Variants in WDR82 observed in about 807,000 individuals in gnomAD.
The protein encoded by WDR82 is WD repeat-containing protein 82.
Under a neutral mutation model 36.1 loss-of-function variants are expected in WDR82, and 8 were observed. That is an observed-to-expected ratio of 0.22 (90% CI 0.13 to 0.40). The LOEUF (loss-of-function observed/expected upper bound fraction) is 0.40, where lower values mean the gene tolerates loss of function less well. Among genes scored for constraint, WDR82 ranks in the 10% least tolerant of loss-of-function variants. WDR82 has a pLI of 1.00. For missense variants in WDR82, 185 were observed against 400.5 expected (o/e 0.46, Z 4.59); for synonymous variants, 129 against 137.8 (o/e 0.94, Z 0.45).
intron 1 of WDR82, among the ~76,000 whole-genome samples, chr3:52,271,754 G>A (rs1700156441): frequency 6.6e-6 from 1 of 152,136 alleles, no homozygotes; most frequent in South Asian, 2.1e-4. Flanking sequence ...ACTTTCTCTA[G>A]CAAAACCAGT....
At chr3:52,266,147 A>T (rs1228792817) in intron 3 of WDR82, among the ~76,000 whole-genome samples, 1 of 152,164 alleles carries the variant, frequency 6.6e-6, no homozygotes, top group East Asian at 1.9e-4. Flanking sequence ...TCTTGATTTT[A>T]AAAAAAGGAC....
intron 2 of WDR82, chr3:52,267,605 G>C (rs1700117254): frequency 6.6e-6 from 1 of 152,486 alleles, no homozygotes; most frequent in South Asian, 2.1e-4. Context: ...GTGATGTCAA[G>C]ATCTGGGTTA....
Position 52,259,233 on chromosome 3 carries a change from C to G in WDR82, c.733G>C (p.Ala245Pro). 1 of 1,614,172 alleles carries G rather than the reference C, an allele frequency of 6.2e-7. No individual in the cohort carries two copies. The highest frequency in any genetic ancestry group is 8.5e-7 in the Non-Finnish European group (1 of 1,180,024). ...YANSKAVTLE[A>P]SFTPDSQFIM... ...AACTGAGAGTCTGGAGTAAATGAAG[C>G]CTCCAGTGTGACAGCTTTGCTGTTG... Residue 245 changes from alanine (A) to proline (P), a missense_variant, in exon 7 of 9, where the codon GCT (alanine) becomes CCT (proline). This residue lies in a region of WDR82 where 110 missense variants were observed against 212.6 expected (regional missense o/e 0.52). Coordinates refer to ENST00000296490, the MANE Select transcript of WDR82 (RefSeq NM_025222.4).
chr3:52,272,997 T>G (rs1430885328), intron 1 of WDR82, among the ~76,000 whole-genome samples: 1 of 152,226 alleles, frequency 6.6e-6, no homozygotes, highest in Non-Finnish European at 1.5e-5. Context: ...GTGCACTGTC[T>G]GGGGTTCTGA....
intron 2 of WDR82, among the ~76,000 whole-genome samples, chr3:52,268,905 C>T (rs1700129079): frequency 6.6e-6 from 1 of 152,104 alleles, no homozygotes; most frequent in South Asian, 2.1e-4. Context: ...CCCTAGACCT[C>T]CAGGGCTCAA....
chr3:52,257,227 A>G lies in WDR82; in HGVS notation c.*263T>C. Reference sequence around the variant, plus strand: ...ACTATACCAAATCGTGAGTCTGGTCACTCCTCCAGCAGAGCTTGGTGCAGT... The same window carrying G: ...ACTATACCAAATCGTGAGTCTGGTCGCTCCTCCAGCAGAGCTTGGTGCAGT... On this transcript the variant is annotated 3_prime_UTR_variant, in exon 9 of 9. Coordinates refer to ENST00000296490, the MANE Select transcript of WDR82 (RefSeq NM_025222.4). The G allele has an allele frequency of 1.9e-6, 1 of 539,660 alleles. No homozygotes were observed. The highest frequency in any genetic ancestry group is 3.3e-5 in the Admixed American group (1 of 30,444). 33.4% of individuals were successfully genotyped at this position (539,660 alleles called of 1,614,324 possible).
At chr3:52,267,730 A>G (rs1304554220) in intron 2 of WDR82, 1 of 152,474 alleles carries the variant, frequency 6.6e-6, no homozygotes, top group Non-Finnish European at 1.5e-5. Flanking sequence ...TGGAAAAATA[A>G]GACACTCTTA....
chr3:52,266,920 A>C, intron 3 of WDR82, 32 bp downstream of exon 3: 1 of 1,578,422 alleles, frequency 6.3e-7, no homozygotes, highest in Non-Finnish European at 8.7e-7. Context: ...GGGATAAAAG[A>C]ACTATCTGCT....
chr3:52,276,976 G>C (rs766231500), intron 1 of WDR82, among the ~76,000 whole-genome samples: 1 of 145,936 alleles, frequency 6.9e-6, no homozygotes, highest in Non-Finnish European at 1.5e-5. Flanking sequence ...CACAAATGAA[G>C]AGATATGTTC....
chr3:52,257,319 A>G lies in WDR82; in HGVS notation c.*171T>C, dbSNP rs1344109141. The G allele has an allele frequency of 3.5e-6, 3 of 853,116 alleles. No individual in the cohort carries two copies. Among genetic ancestry groups the G allele is most frequent in the African/African-American group, 1.7e-5 (1 of 58,490 alleles). The allele number at this position is 853,116 out of a possible 1,614,324, so 52.8% of individuals were successfully genotyped here. On this transcript the variant is annotated 3_prime_UTR_variant, in exon 9 of 9. Transcript: ENST00000296490. ...AAGAGTCCTTTTGAAGACGCTCATC[A>G]AAGTAATTATTTTCTTTTGAGCAGA...
At chr3:52,273,863 C>A (rs962603844) in intron 1 of WDR82, among the ~76,000 whole-genome samples, 1 of 152,164 alleles carries the variant, frequency 6.6e-6, no homozygotes, top group African/African-American at 2.4e-5. Flanking sequence ...CCCAGGCGAT[C>A]CACCCGCCTC....
In WDR82 at chr3:52,255,401, T is replaced by C. The variant is rs116928734; in HGVS notation, c.*2089A>G. 2.0e-5 allele frequency: 3 copies of C among 152,224 alleles called. No homozygotes were observed. Among genetic ancestry groups the C allele is most frequent in the East Asian group, 3.9e-4 (2 of 5,170 alleles). The allele number at this position is 152,224 out of a possible 1,614,324, so 9.4% of individuals were successfully genotyped here. ...CCTGTTAACCCATGGTTCCAAGCAC[T>C]CTCTCTTAACAATCATTCCTACTGT... On this transcript the variant is annotated 3_prime_UTR_variant, in exon 9 of 9. Transcript: ENST00000296490.
chr3:52,260,204 G>A (rs1700048976), intron 5 of WDR82, among the ~76,000 whole-genome samples, 181 bp downstream of exon 5: 1 of 152,004 alleles, frequency 6.6e-6, no homozygotes. Flanking sequence ...TGGCGGACAC[G>A]TGTAATCCCA....
chr3:52,272,184 G>A (rs1245781629), intron 1 of WDR82, among the ~76,000 whole-genome samples: 1 of 152,204 alleles, frequency 6.6e-6, no homozygotes, highest in Non-Finnish European at 1.5e-5. Flanking sequence ...GAACCTTGAA[G>A]AGCAAGGCTA....
chr3:52,262,792 G>A (rs1700072670), intron 3 of WDR82, among the ~76,000 whole-genome samples: 1 of 152,192 alleles, frequency 6.6e-6, no homozygotes, highest in African/African-American at 2.4e-5. Flanking sequence ...AAAAGGTATT[G>A]TTAAAAGCCA....
intron 1 of WDR82, among the ~76,000 whole-genome samples, chr3:52,271,600 TCAAGAC>T (rs1700154714): frequency 6.6e-6 from 1 of 151,072 alleles, no homozygotes. Context: ...TTTTTTTTTT[TCAAGAC>T]GGCAGTGATT....
Position 52,278,527 on chromosome 3 carries a change from G to A in WDR82, c.-166C>T. ...CTCCTCCTCTTCTTCCTGCTTGGTC[G>A]AGGGTCTTCTGCCTGGACTGTGGAG... On this transcript the variant is annotated 5_prime_UTR_variant, in exon 1 of 9. Transcript: ENST00000296490. 1.8e-6 allele frequency: 1 copy of A among 541,662 alleles called. No individual in the cohort carries two copies. The highest frequency in any genetic ancestry group is 2.8e-6 in the Non-Finnish European group (1 of 357,776). The allele number at this position is 541,662 out of a possible 1,614,324, so 33.6% of individuals were successfully genotyped here.
chr3:52,262,475 C>T (rs554560030), intron 3 of WDR82, among the ~76,000 whole-genome samples: 3 of 152,150 alleles, frequency 2.0e-5, no homozygotes, highest in Non-Finnish European at 4.4e-5. Context: ...ATTCTCAAAC[C>T]TAAGTGGCAT....
intron 3 of WDR82, 58 bp from the exon 4 acceptor site, chr3:52,261,537 G>A: frequency 6.7e-7 from 1 of 1,499,780 alleles, no homozygotes. Flanking sequence ...AATTGGATGT[G>A]AATTCTAAAC....
Sources: allele counts gnomAD v4.1 joint callset (sites outside exome capture counted in the v4.1 genomes callset), GRCh38; gene constraint gnomAD v4.1.1; regional missense constraint gnomAD v4.1.1; transcripts MANE v1.5; gene names NCBI Gene and HGNC (gene_info 2026-07-23, HGNC 2026-07-21).